Variants in CPN1 observed in about 807,000 individuals in gnomAD.
The protein encoded by CPN1 is carboxypeptidase N subunit 1.
A neutral mutation model predicts 46.4 loss-of-function variants in CPN1; 37 were observed. That is an observed-to-expected ratio of 0.80 (90% confidence interval 0.61 to 1.05). The LOEUF is 1.05. Among genes scored for constraint, CPN1 ranks in the 50% least tolerant of loss-of-function variants. The pLI, the probability that CPN1 is intolerant of heterozygous loss-of-function variation, is 0.00. For missense variants in CPN1, 563 were observed against 602.6 expected, an observed-to-expected ratio of 0.93 and a Z score of 0.69; for synonymous variants, 224 against 235.4, an observed-to-expected ratio of 0.95 and a Z score of 0.44.
At chr10:100,065,139 C>T in intron 4 of CPN1, 49 bp downstream of exon 4, 1 of 1,593,700 alleles carries the variant, frequency 6.3e-7, no homozygotes, top group Non-Finnish European at 8.6e-7. Flanking sequence ...TTAAGCTCAC[C>T]TCCTGAGCCC....
chr10:100,052,253 T>C (rs2133428922), intron 7 of CPN1, among the ~76,000 whole-genome samples: 1 of 152,210 alleles, frequency 6.6e-6, no homozygotes, highest in East Asian at 1.9e-4. Context: ...TGTATTTTAG[T>C]AGAGATGGGG....
At chr10:100,057,435 T>C (rs908112052) in intron 5 of CPN1, among the ~76,000 whole-genome samples, 1 of 152,186 alleles carries the variant, frequency 6.6e-6, no homozygotes, top group Non-Finnish European at 1.5e-5. Context: ...GTTGTGGCAA[T>C]AAAAATAATC....
chr10:100,075,289 CA>C (rs1046209592), intron 2 of CPN1, among the ~76,000 whole-genome samples: 4 of 151,880 alleles, frequency 2.6e-5, no homozygotes, highest in Admixed American at 6.6e-5. Flanking sequence ...GACTCTATCC[CA>C]AAAAAAGAAA....
At chr10:100,072,839 T>C (rs979809360) in intron 2 of CPN1, among the ~76,000 whole-genome samples, 1 of 152,184 alleles carries the variant, frequency 6.6e-6, no homozygotes, top group African/African-American at 2.4e-5. Context: ...AGTGATAGAA[T>C]AGAGATATGT....
At chr10:100,060,273 A>C (rs1207733220) in intron 5 of CPN1, among the ~76,000 whole-genome samples, 1 of 152,202 alleles carries the variant, frequency 6.6e-6, no homozygotes, top group Non-Finnish European at 1.5e-5. Flanking sequence ...TACCACAATA[A>C]AAATGAAGCT....
intron 8 of CPN1, among the ~76,000 whole-genome samples, chr10:100,045,040 C>T (rs778975005): frequency 8.4e-4 from 127 of 152,078 alleles, no homozygotes; most frequent in Admixed American, 2.4e-3. Context: ...CTTTCCCAGA[C>T]AGATGGATAT....
At chr10:100,064,798 T>G (rs2041443577) in intron 4 of CPN1, among the ~76,000 whole-genome samples, 1 of 152,170 alleles carries the variant, frequency 6.6e-6, no homozygotes, top group Non-Finnish European at 1.5e-5. Context: ...TCTTTTTTTC[T>G]TTAAGGCCCC....
At position 100,064,746 on chromosome 10, in the gene CPN1, G is replaced by A. The variant is rs143147234; in HGVS notation, c.759+442C>T. Among the ~76,000 whole-genome samples, 521 of 151,940 alleles carry A rather than the reference G, an allele frequency of 3.4e-3. 3 individuals are homozygous for A. The highest frequency in any genetic ancestry group is 0.012 in the African/African-American group (489 of 41,448). On this transcript the variant is annotated intron_variant, in intron 4 of 8. Coordinates refer to ENST00000370418, the MANE Select transcript of CPN1 (RefSeq NM_001308.3). ...AATATAAAATTAATGTTAACATATC[G>A]TTTTGAACTGTTATTTAAACCTTTT...
Position 100,047,142 on chromosome 10 carries a change from A to C in CPN1, c.1230+1616T>G, listed in dbSNP as rs568233637. Among the ~76,000 whole-genome samples the C allele has an allele frequency of 9.9e-4, 150 of 152,196 alleles. 3 individuals are homozygous for C. The South Asian group carries it at 0.028, about 29-fold the overall frequency. On this transcript the variant is annotated intron_variant, in intron 8 of 8. Coordinates refer to ENST00000370418, the MANE Select transcript of CPN1 (RefSeq NM_001308.3). Reference sequence around the variant, plus strand: ...TCCCAGCTACTTGGAAAGATGAAGCAGAAGATCTCTTGAGTCTGAGGCTGC... The same window carrying C: ...TCCCAGCTACTTGGAAAGATGAAGCCGAAGATCTCTTGAGTCTGAGGCTGC...
At chr10:100,068,446 C>T (rs1193995380) in intron 3 of CPN1, among the ~76,000 whole-genome samples, 1 of 152,060 alleles carries the variant, frequency 6.6e-6, no homozygotes, top group Non-Finnish European at 1.5e-5. Context: ...ATCTCCTGAC[C>T]TCGTGATCCG....
chr10:100,061,180 G>C (rs553882194), intron 5 of CPN1, among the ~76,000 whole-genome samples: 9 of 152,216 alleles, frequency 5.9e-5, no homozygotes, highest in Middle Eastern at 3.4e-3. Context: ...ACTACCATCA[G>C]CAATAATTTG....
In CPN1 at chr10:100,075,898, T is replaced by C; in HGVS notation, c.420+13A>G. 2 of 1,613,710 alleles carry C rather than the reference T, an allele frequency of 1.2e-6. No homozygotes were observed. Among genetic ancestry groups the C allele is most frequent in the East Asian group, 2.2e-5 (1 of 44,886 alleles). ...CCTTGATCTCTCCCCGGCATCTCCC[T>C]TGGACCTCGTACCTGGGCAGCAGCC... On this transcript the variant is annotated intron_variant, in intron 2 of 8. Coordinates refer to ENST00000370418, the MANE Select transcript of CPN1 (RefSeq NM_001308.3).
In CPN1 at chr10:100,065,206, G is replaced by A. The variant is rs1236197965; in HGVS notation, c.741C>T (p.Asp247=). The A allele has an allele frequency of 2.5e-6, 4 of 1,613,516 alleles. No homozygotes were observed. Among genetic ancestry groups the A allele is most frequent in the East Asian group, 2.2e-5 (1 of 44,866 alleles). The change falls in exon 4 of 9, where the codon GAC becomes GAT. Residue 247 remains aspartate (D), a synonymous_variant. Transcript: ENST00000370418. The stretch of plus-strand genomic sequence containing the variant: ...CACATACCTTCTGGAAGAGCTTGTC[G>A]TCAGGCGTGGGGGTGCTGGCGGTGC... ...VRRTASTPTP[D]DKLFQKLAKV...
Position 100,042,551 on chromosome 10 carries a change from C to T in CPN1, c.1253G>A (p.Ser418Asn), listed in dbSNP as rs142205964. 1.9e-6 allele frequency: 3 copies of T among 1,613,758 alleles called. No individual in the cohort carries two copies. The highest frequency in any genetic ancestry group is 2.5e-6 in the Non-Finnish European group (3 of 1,180,008). Residue 418 changes from serine (S) to asparagine (N), a missense_variant, in exon 9 of 9, where the codon AGC becomes AAC. Coordinates refer to ENST00000370418, the MANE Select transcript of CPN1 (RefSeq NM_001308.3). ...PTLVNFHLKR[S>N]IPQVSPVRRA... ...CCTCACAGGGCTTACTTGAGGGATG[C>T]TTCTTTTGAGGTGGAAGTTAACCTG...
Position 100,076,002 on chromosome 10 carries a change from C to T in CPN1, c.329G>A (p.Arg110Lys). 1 of 1,614,184 alleles carries T rather than the reference C, an allele frequency of 6.2e-7. No homozygotes were observed. The highest frequency in any genetic ancestry group is 8.5e-7 in the Non-Finnish European group (1 of 1,180,040). The change falls in exon 2 of 9, where the codon AGG becomes AAG. Residue 110 changes from arginine to lysine, a missense_variant. Transcript: ENST00000370418. ...GATGAGCTGGACGATGCGCTGGTTC[C>T]TGTTCCGGAACTCCTCGCACAGAAA... ...SEFLCEEFRN[R>K]NQRIVQLIQD...
rs768418822 is a variant in CPN1, at chr10:100,069,870, C to G, written c.421-1G>C. 6.2e-7 allele frequency: 1 copy of G among 1,612,280 alleles called. No individual in the cohort carries two copies. The highest frequency in any genetic ancestry group is 1.1e-5 in the South Asian group (1 of 90,986). On this transcript the variant is annotated splice_acceptor_variant, in intron 2 of 8. Coordinates refer to ENST00000370418, the MANE Select transcript of CPN1 (RefSeq NM_001308.3). LOFTEE classifies it high-confidence loss of function. ...CTAGATACCCAGGCTTGTTTGGGCC[C>G]TAAAGGAAAATGAAAAGATGAAAAA...
chr10:100,074,221 C>T (rs183811942), intron 2 of CPN1, among the ~76,000 whole-genome samples: 18 of 152,292 alleles, frequency 1.2e-4, no homozygotes, highest in African/African-American at 4.3e-4. Flanking sequence ...GTCTGGTGGC[C>T]AGGAAGTTCT....
intron 2 of CPN1, among the ~76,000 whole-genome samples, chr10:100,072,947 G>A (rs998032301): frequency 1.3e-5 from 2 of 152,218 alleles, no homozygotes; most frequent in African/African-American, 4.8e-5. Flanking sequence ...TGAGAAGGTG[G>A]AGCCCAAATT....
chr10:100,081,464 G>C lies in CPN1; in HGVS notation c.162C>G (p.Ser54Arg), dbSNP rs762369560. 6 of 1,613,896 alleles carry C rather than the reference G, an allele frequency of 3.7e-6. No individual in the cohort carries two copies. The Admixed American group carries it at 1.0e-4, about 27-fold the overall frequency. The part of the protein sequence containing the change: ...GITRVYSIGR[S>R]VEGRHLYVLE... The stretch of plus-strand genomic sequence containing the variant: ...GCACGTAGAGGTGTCTCCCCTCCAC[G>C]CTGCGCCCAATGCTGTAGACCCGCG... The change falls in exon 1 of 9, where the codon AGC (serine) becomes AGG (arginine). Residue 54 changes from serine (S) to arginine (R), a missense_variant. Coordinates refer to ENST00000370418, the MANE Select transcript of CPN1 (RefSeq NM_001308.3).
Sources: allele counts gnomAD v4.1 joint callset (sites outside exome capture counted in the v4.1 genomes callset), GRCh38; gene constraint gnomAD v4.1.1; transcripts MANE v1.5; gene names NCBI Gene and HGNC (gene_info 2026-07-23, HGNC 2026-07-21).